USP16: variants seen among roughly 807,000 people sequenced by gnomAD.
The protein encoded by USP16 is ubiquitin carboxyl-terminal hydrolase 16.
Under a neutral mutation model 95.9 loss-of-function variants are expected in USP16, and 77 were observed. That is an observed-to-expected ratio of 0.80 (90% CI 0.67 to 0.97). The LOEUF (loss-of-function observed/expected upper bound fraction) is 0.97. USP16 is among the 50% of genes least tolerant of loss of function. The probability of loss-of-function intolerance (pLI) is 0.00; values close to 1 mark genes in which losing one functional copy is unlikely to be tolerated. For synonymous variants in USP16, 303 were observed against 318.2 expected, an observed-to-expected ratio of 0.95 and a Z score of 0.51; for missense variants, 943 against 959.9, an observed-to-expected ratio of 0.98 and a Z score of 0.23.
chr21:29,041,338 A>G (rs1339514956), intron 10 of USP16, among the ~76,000 whole-genome samples: 1 of 152,162 alleles, frequency 6.6e-6, no homozygotes, highest in Non-Finnish European at 1.5e-5. Context: ...CTGTCAGAAA[A>G]GTGTGGTTCT....
intron 3 of USP16, among the ~76,000 whole-genome samples, chr21:29,033,344 A>G (rs1022594325): frequency 2.0e-5 from 3 of 152,328 alleles, no homozygotes; most frequent in Admixed American, 6.5e-5. Context: ...TTGTAATTAA[A>G]TGTTCAGTGG....
intron 15 of USP16, among the ~76,000 whole-genome samples, chr21:29,049,458 A>T (rs931837390): frequency 2.0e-5 from 3 of 152,218 alleles, no homozygotes; most frequent in Admixed American, 2.0e-4. Flanking sequence ...TTTCACAGAA[A>T]AGTATTATGC....
intron 1 of USP16, 83 bp from the exon 2 acceptor site, chr21:29,027,790 T>G (rs1025903127): frequency 2.6e-5 from 23 of 899,666 alleles, no homozygotes; most frequent in Non-Finnish European, 3.8e-5. Flanking sequence ...ATAATATACG[T>G]GGCTTAGTTA....
intron 6 of USP16, 146 bp downstream of exon 6, chr21:29,037,609 C>G (rs1350076478): frequency 1.8e-6 from 1 of 570,282 alleles, no homozygotes; most frequent in Admixed American, 5.5e-5. Context: ...TTTTTTGAGA[C>G]AGGGTCTCAC....
Position 29,043,881 on chromosome 21 carries a change from C to G in USP16, c.1356+282C>G, listed in dbSNP as rs535145223. Among the ~76,000 whole-genome samples the G allele has an allele frequency of 3.3e-5, 5 of 152,040 alleles. No individual in the cohort carries two copies. In the South Asian group the frequency reaches 1.0e-3, roughly 32 times the overall value. ...ATTTTCGAGTTAATATTATTGACAT[C>G]CACAAATTTAAAAATATATAAAGGT... On this transcript the variant is annotated intron_variant, in intron 13 of 17. Transcript: ENST00000399976.
At chr21:29,042,137 G>T in intron 11 of USP16, 33 bp downstream of exon 11, 1 of 1,550,230 alleles carries the variant, frequency 6.5e-7, no homozygotes. Flanking sequence ...GGGTTTATTT[G>T]CTAATATTCA....
At chr21:29,046,079 C>T (rs1806945519) in intron 13 of USP16, among the ~76,000 whole-genome samples, 1 of 152,186 alleles carries the variant, frequency 6.6e-6, no homozygotes, top group South Asian at 2.1e-4. Flanking sequence ...CCTCCTTGGC[C>T]TCCCAAAGTG....
At chr21:29,026,478 A>C in intron 1 of USP16, 1 of 140,300 alleles carries the variant, frequency 7.1e-6, no homozygotes. Context: ...AAAAAAAGAG[A>C]CAGACTTGAT....
At chr21:29,040,761 T>A (rs1465972976) in intron 10 of USP16, 74 bp downstream of exon 10, 5 of 722,310 alleles carry the variant, frequency 6.9e-6, no homozygotes, top group Non-Finnish European at 1.1e-5. Flanking sequence ...TGCTGGCACA[T>A]ATATTTCCAA....
intron 2 of USP16, among the ~76,000 whole-genome samples, chr21:29,029,151 C>T (rs1245015380): frequency 4.6e-5 from 7 of 152,234 alleles, no homozygotes; most frequent in African/African-American, 1.2e-4. Flanking sequence ...TGGTGGCTCA[C>T]GCCTGTAATC....
chr21:29,050,622 G>A (rs2085399247), intron 16 of USP16, among the ~76,000 whole-genome samples: 1 of 152,172 alleles, frequency 6.6e-6, no homozygotes, highest in African/African-American at 2.4e-5. Context: ...AATGAGTTTT[G>A]CAGGCAGAAG....
chr21:29,032,668 A>G (rs142929104), intron 3 of USP16, among the ~76,000 whole-genome samples: 43 of 152,292 alleles, frequency 2.8e-4, no homozygotes, highest in African/African-American at 9.9e-4. Context: ...TACCTGTCGA[A>G]TGACAACATC....
chr21:29,038,291 G>A (rs187128572), intron 6 of USP16, 44 bp from the exon 7 acceptor site: 1 of 1,357,664 alleles, frequency 7.4e-7, no homozygotes, highest in Non-Finnish European at 1.0e-6. Context: ...GAGTTGATTT[G>A]CCTTTAAATA....
At chr21:29,039,631 A>T in intron 9 of USP16, 63 bp downstream of exon 9, 1 of 1,481,554 alleles carries the variant, frequency 6.7e-7, no homozygotes, top group African/African-American at 1.4e-5. Context: ...GTCTCATTTG[A>T]TATCTTACGA....
intron 9 of USP16, among the ~76,000 whole-genome samples, chr21:29,040,341 G>GGT (rs2085224849): frequency 6.6e-6 from 1 of 152,136 alleles, no homozygotes; most frequent in Non-Finnish European, 1.5e-5. Context: ...TCTTCTCAAA[G>GGT]GTGGTGGGCA....
intron 1 of USP16, among the ~76,000 whole-genome samples, chr21:29,025,145 G>A (rs1244207339): frequency 2.6e-5 from 4 of 152,180 alleles, no homozygotes; most frequent in African/African-American, 9.7e-5. Context: ...TCATACGGCT[G>A]GTAGGAAAAG....
In USP16 at chr21:29,036,263, G is replaced by T; in HGVS notation, c.345-8G>T. 1.3e-6 allele frequency: 2 copies of T among 1,588,444 alleles called. No homozygotes were observed. The highest frequency in any genetic ancestry group is 1.7e-6 in the Non-Finnish European group (2 of 1,164,716). On this transcript the variant is annotated splice_region_variant and splice_polypyrimidine_tract_variant and intron_variant, in intron 4 of 17. Coordinates refer to ENST00000399976, the MANE Select transcript of USP16 (RefSeq NM_006447.3). ...TGTCATTTTTCATCTCTGATTTTTG[G>T]GTCACAGGTGTTACGTATGTGATAA...
chr21:29,047,442 G>T, intron 14 of USP16, 121 bp downstream of exon 14: 2 of 1,135,702 alleles, frequency 1.8e-6, no homozygotes, highest in Non-Finnish European at 2.4e-6. Flanking sequence ...CCTTTTCTGT[G>T]TAAATATTTT....
chr21:29,035,571 A>T (rs2085142557), intron 4 of USP16, among the ~76,000 whole-genome samples: 1 of 151,478 alleles, frequency 6.6e-6, no homozygotes, highest in Non-Finnish European at 1.5e-5. Flanking sequence ...ACGGGGTTTC[A>T]CCATGTTGGT....
Sources: gnomAD v4.1 joint callset for allele counts (sites outside exome capture counted in the v4.1 genomes callset) on GRCh38, gnomAD v4.1.1 for gene constraint, MANE v1.5 for transcripts, NCBI Gene and HGNC (gene_info 2026-07-23, HGNC 2026-07-21) for gene names.